The following EML3 variants were observed in gnomAD, a reference collection of about 807,000 sequenced individuals.
The protein encoded by EML3 is echinoderm microtubule-associated protein-like 3.
In EML3, 53 loss-of-function variants were observed where a neutral mutation model predicts 106.7. The observed-to-expected ratio is 0.50, with a 90% CI of 0.40 to 0.62. The LOEUF (loss-of-function observed/expected upper bound fraction) is 0.62, where lower values mean the gene tolerates loss of function less well. Among genes scored for constraint, EML3 ranks in the 20% least tolerant of loss-of-function variants. The probability of loss-of-function intolerance (pLI) is 0.00; values close to 1 mark genes in which losing one functional copy is unlikely to be tolerated. For missense variants in EML3, 994 were observed against 1,209.1 expected (o/e 0.82, Z 2.64); for synonymous variants, 499 against 489.6 (o/e 1.02, Z -0.25).
Position 62,612,619 on chromosome 11 carries a change from G to A in EML3, c.-162C>T, listed in dbSNP as rs1282609448. 1 of 629,586 alleles carries A rather than the reference G, an allele frequency of 1.6e-6. No individual in the cohort carries two copies. The highest frequency in any genetic ancestry group is 2.3e-6 in the Non-Finnish European group (1 of 427,308). 39.0% of individuals were successfully genotyped at this position (629,586 alleles called of 1,614,324 possible). Reference sequence around the variant, plus strand: ...GTCGGGCGCGGGGAAGGGGCCTGGAGGGGGCGCTGTGGGCCCGGGGCCGCA... The same window carrying A: ...GTCGGGCGCGGGGAAGGGGCCTGGAAGGGGCGCTGTGGGCCCGGGGCCGCA... On this transcript the variant is annotated 5_prime_UTR_variant, in exon 1 of 22. Coordinates refer to ENST00000394773, the MANE Select transcript of EML3 (RefSeq NM_153265.3).
At chr11:62,603,067 G>A (rs1409054546) in intron 20 of EML3, 82 bp downstream of exon 20, 5 of 1,574,052 alleles carry the variant, frequency 3.2e-6, no homozygotes, top group African/African-American at 1.3e-5. Flanking sequence ...CTCACCCAAC[G>A]ACACACGCCC....
Position 62,605,534 on chromosome 11 carries a change from C to A in EML3, c.1914+108G>T, listed in dbSNP as rs1044051563. 127 of 1,415,238 alleles carry A rather than the reference C, an allele frequency of 9.0e-5. No homozygotes were observed. The African/African-American group carries it at 1.8e-3, about 20-fold the overall frequency. 87.7% of individuals were successfully genotyped at this position (1,415,238 alleles called of 1,614,324 possible). On this transcript the variant is annotated intron_variant, in intron 15 of 21. Transcript: ENST00000394773. This position sits in a 1 kb window ranked among gnomAD's most constrained non-coding sequence, Gnocchi z 5.2. ...AGTAGCCAGTGCAGCCATACCAGTA[C>A]AAACTGGCCACCTCTGGGAGGCAGA...
In EML3 at chr11:62,605,621, T is replaced by C. The variant is rs560150517; in HGVS notation, c.1914+21A>G. On this transcript the variant is annotated intron_variant, in intron 15 of 21. Coordinates refer to ENST00000394773, the MANE Select transcript of EML3 (RefSeq NM_153265.3). The surrounding 1 kb of genome is among the most constrained non-coding windows in gnomAD (Gnocchi z 5.2). ...GTCCTGGTGGGTGTGGCATGGGGGA[T>C]CCAGGGGCACAGGGCTCTACCTTGA... is the stretch of plus-strand genomic sequence containing the variant. The C allele has an allele frequency of 2.9e-5, 44 of 1,515,602 alleles. No individual in the cohort carries two copies. Among genetic ancestry groups the C allele is most frequent in the Non-Finnish European group, 3.6e-5 (41 of 1,131,770 alleles). The allele number at this position is 1,515,602 out of a possible 1,614,324, so 93.9% of individuals were successfully genotyped here.
In EML3 at chr11:62,605,542, C is replaced by T. The variant is rs1942463203; in HGVS notation, c.1914+100G>A. 2 of 1,447,536 alleles carry T rather than the reference C, an allele frequency of 1.4e-6. No homozygotes were observed. The highest frequency in any genetic ancestry group is 2.3e-5 in the East Asian group (1 of 42,992). 89.7% of individuals were successfully genotyped at this position (1,447,536 alleles called of 1,614,324 possible). A position where few individuals can be genotyped will look rare whatever the true frequency, so the allele number is the denominator to read the frequency against. The stretch of plus-strand genomic sequence containing the variant: ...GTGCAGCCATACCAGTACAAACTGG[C>T]CACCTCTGGGAGGCAGAAGGCAAGG... On this transcript the variant is annotated intron_variant, in intron 15 of 21. Transcript: ENST00000394773. This position sits in a 1 kb window ranked among gnomAD's most constrained non-coding sequence, Gnocchi z 5.2.
At chr11:62,612,314 T>C in intron 1 of EML3, 122 bp downstream of exon 1, 1 of 1,003,932 alleles carries the variant, frequency 1.0e-6, no homozygotes. Flanking sequence ...TGGAGGATGC[T>C]CGGAGCCCCT....
In EML3 at chr11:62,610,931, T is replaced by C. The variant is rs779671821; in HGVS notation, c.514A>G (p.Arg172Gly). ...AGGTTGGCGGAGGAGATTGCCTTCC[T>C]GGAGAGCTTCTGCCGAGGCCGCTCT... ...PSERPRQKLSRKAISSANLLV... is the reference protein window; with the variant it reads ...PSERPRQKLSGKAISSANLLV... The change falls in exon 4 of 22, where the codon AGG becomes GGG. Residue 172 changes from arginine to glycine, a missense_variant. This residue lies in a region of EML3 where 269 missense variants were observed against 265.1 expected (regional missense o/e 1.01). Coordinates refer to ENST00000394773, the MANE Select transcript of EML3 (RefSeq NM_153265.3). The C allele has an allele frequency of 6.2e-7, 1 of 1,613,384 alleles. No homozygotes were observed. Among genetic ancestry groups the C allele is most frequent in the Non-Finnish European group, 8.5e-7 (1 of 1,179,814 alleles).
Position 62,612,496 on chromosome 11 carries a change from G to A in EML3, c.-39C>T, listed in dbSNP as rs1040559905. The A allele has an allele frequency of 1.0e-4, 146 of 1,395,304 alleles. No homozygotes were observed. Among genetic ancestry groups the A allele is most frequent in the Non-Finnish European group, 1.3e-4 (140 of 1,082,308 alleles). The allele number at this position is 1,395,304 out of a possible 1,614,324, so 86.4% of individuals were successfully genotyped here. On this transcript the variant is annotated 5_prime_UTR_variant, in exon 1 of 22. Coordinates refer to ENST00000394773, the MANE Select transcript of EML3 (RefSeq NM_153265.3). ...TGCTCCGAGCGGCGGCGGCGGAGGA[G>A]GCGTCTAAGCCGCGGGGGCCACGGC...
chr11:62,602,750 C>A lies in EML3; in HGVS notation c.2487+9G>T. 6.2e-7 allele frequency: 1 copy of A among 1,610,482 alleles called. No individual in the cohort carries two copies. Among genetic ancestry groups the A allele is most frequent in the Non-Finnish European group, 8.5e-7 (1 of 1,179,040 alleles). On this transcript the variant is annotated intron_variant, in intron 21 of 21. Transcript: ENST00000394773. Reference sequence around the variant, plus strand: ...ACCGGTCCCACCCCGGCGATCCCCGCGGCCTCACCTTGGCACGAGCGCACG... The same window carrying A: ...ACCGGTCCCACCCCGGCGATCCCCGAGGCCTCACCTTGGCACGAGCGCACG...
chr11:62,612,181 G>A, intron 1 of EML3: 1 of 517,746 alleles, frequency 1.9e-6, no homozygotes, highest in Non-Finnish European at 3.4e-6. Context: ...AAGAGGCCCG[G>A]AGTAACGCAG....
Position 62,609,704 on chromosome 11 carries a change from G to T in EML3, c.567-8C>A. 6.3e-7 allele frequency: 1 copy of T among 1,593,330 alleles called. No homozygotes were observed. The highest frequency in any genetic ancestry group is 8.5e-7 in the Non-Finnish European group (1 of 1,171,214). ...GGGTCTTTTCCCCCACGGCTGTTGG[G>T]AAGAGAGAAAGCACAGGGATTGGGG... On this transcript the variant is annotated splice_polypyrimidine_tract_variant and splice_region_variant and intron_variant, in intron 4 of 21. Transcript: ENST00000394773.
Position 62,612,588 on chromosome 11 carries a change from G to A in EML3, c.-131C>T. The stretch of plus-strand genomic sequence containing the variant: ...GGGCGCCGTACCACCACCCCGAGGG[G>A]GCGCTGTCGGGCGCGGGGAAGGGGC... On this transcript the variant is annotated 5_prime_UTR_variant, in exon 1 of 22. Transcript: ENST00000394773. The A allele has an allele frequency of 2.2e-6, 2 of 889,516 alleles. No homozygotes were observed. Among genetic ancestry groups the A allele is most frequent in the Non-Finnish European group, 3.0e-6 (2 of 657,994 alleles). 55.1% of individuals were successfully genotyped at this position (889,516 alleles called of 1,614,324 possible). A position where few individuals can be genotyped will look rare whatever the true frequency, so the allele number is the denominator to read the frequency against.
intron 12 of EML3, 145 bp downstream of exon 12, chr11:62,606,813 C>T (rs1376982530): frequency 1.2e-5 from 11 of 881,688 alleles, no homozygotes; most frequent in South Asian, 1.2e-4. Flanking sequence ...ACCAAGATCG[C>T]GCCACTGCAA....
At position 62,611,485 on chromosome 11, in the gene EML3, C is replaced by T. The variant is rs1360959864; in HGVS notation, c.134G>A (p.Arg45Gln). 6.2e-7 allele frequency: 1 copy of T among 1,613,760 alleles called. No individual in the cohort carries two copies. The highest frequency in any genetic ancestry group is 1.7e-5 in the Admixed American group (1 of 60,018). Residue 45 changes from arginine to glutamine, a missense_variant, in exon 2 of 22, where the codon CGG becomes CAG. Around this residue, in one of 3 missense-constraint regions of EML3, gnomAD observed 269 missense variants for 265.1 expected, o/e 1.01. Transcript: ENST00000394773. ...AALAEALRLLRLQVPPSSLQG... is the reference protein window; with the variant it reads ...AALAEALRLLQLQVPPSSLQG... ...CAGGGAGGAAGGGGGCACCTGCAGC[C>T]GCAGCAGGCGAAGGGCTTCTGCCAG...
intron 6 of EML3, 59 bp downstream of exon 6, chr11:62,609,295 G>C: frequency 6.5e-7 from 1 of 1,540,928 alleles, no homozygotes; most frequent in Non-Finnish European, 8.7e-7. Flanking sequence ...AACTGTAAAG[G>C]TAAGAGGGGT....
chr11:62,602,360 T>C lies in EML3; in HGVS notation c.*115A>G. 2.6e-6 allele frequency: 4 copies of C among 1,550,532 alleles called. No individual in the cohort carries two copies. Among genetic ancestry groups the C allele is most frequent in the Non-Finnish European group, 3.5e-6 (4 of 1,146,572 alleles). ...CTCCAGGAAAATGCGCGATCGGGAA[T>C]GTCTCGAAGTCAGTCCAGGAAAGAG... On this transcript the variant is annotated 3_prime_UTR_variant, in exon 22 of 22. Transcript: ENST00000394773.
At position 62,611,421 on chromosome 11, in the gene EML3, A is replaced by G. The variant is rs201591011; in HGVS notation, c.194+4T>C. 51 of 1,613,632 alleles carry G rather than the reference A, an allele frequency of 3.2e-5. No homozygotes were observed. The Admixed American group carries it at 3.8e-4, about 12-fold the overall frequency. ...GGAAAAATGGGGTGTGATGACATGC[A>G]TACCTGTCCCCCGGAGGAGCTGGTG... On this transcript the variant is annotated splice_donor_region_variant and intron_variant, in intron 2 of 21. Transcript: ENST00000394773.
At chr11:62,603,863 T>TAA in intron 18 of EML3, 47 bp from the exon 19 acceptor site, 1 of 1,611,600 alleles carries the variant, frequency 6.2e-7, no homozygotes, top group Non-Finnish European at 8.5e-7. Flanking sequence ...CCATTTCCCA[T>TAA]CCCCAGAGCC....
chr11:62,606,546 A>G (rs1273489668), intron 12 of EML3: 2 of 376,642 alleles, frequency 5.3e-6, no homozygotes, highest in Non-Finnish European at 9.7e-6. Context: ...GAGAACTATC[A>G]ACTCTCAAGG....
chr11:62,609,411 C>A lies in EML3; in HGVS notation c.701G>T (p.Arg234Leu). The change falls in exon 6 of 22, where the codon CGC becomes CTC. Residue 234 changes from arginine to leucine, a missense_variant. Physicochemically the swap from Arg to Leu is moderately radical, Grantham distance 102 (BLOSUM62 -2). Coordinates refer to ENST00000394773, the MANE Select transcript of EML3 (RefSeq NM_153265.3). ...PITMYIPSGI[R>L]SLEELPSGPP... ...GCCACTCGGCAGCTCCTCAAGGCTG[C>A]GGATGCCAGACGGGATGTACATGGT... The A allele has an allele frequency of 1.2e-6, 2 of 1,602,038 alleles. No individual in the cohort carries two copies. Among genetic ancestry groups the A allele is most frequent in the South Asian group, 1.1e-5 (1 of 89,586 alleles).
Sources: allele counts gnomAD v4.1 joint callset, GRCh38; gene constraint gnomAD v4.1.1; regional missense constraint gnomAD v4.1.1; non-coding constraint Gnocchi (gnomAD v3.1); transcripts MANE v1.5; gene names NCBI Gene and HGNC (gene_info 2026-07-23, HGNC 2026-07-21).